NRG3: variants seen among roughly 807,000 people sequenced by gnomAD.
NRG3 encodes the protein pro-neuregulin-3, membrane-bound isoform.
Under a neutral mutation model 66.9 loss-of-function variants are expected in NRG3, and 31 were observed. The observed-to-expected ratio is 0.46, with a 90% confidence interval of 0.35 to 0.63. The LOEUF is 0.63. Ranked by LOEUF, NRG3 falls within the 20% of genes least tolerant of loss-of-function variation. NRG3 has a pLI of 0.00. For synonymous variants in NRG3, 393 were observed against 359.4 expected (o/e 1.09, Z -1.06); for missense variants, 910 against 878.9 (o/e 1.04, Z -0.45).
intron 1 of NRG3, among the ~76,000 whole-genome samples, chr10:81,897,174 C>T (rs1843605182): frequency 6.6e-6 from 1 of 152,000 alleles, no homozygotes; most frequent in South Asian, 2.1e-4. Context: ...GCCAGCGTGC[C>T]TGAGCATAAT....
intron 7 of NRG3, among the ~76,000 whole-genome samples, chr10:82,975,899 A>G (rs1040747570): frequency 6.6e-6 from 1 of 152,176 alleles, no homozygotes; most frequent in Non-Finnish European, 1.5e-5. Context: ...AATATGACTC[A>G]TTTGGATAAC....
At chr10:82,780,586 T>C (rs1307319341) in intron 3 of NRG3, among the ~76,000 whole-genome samples, 3 of 151,350 alleles carry the variant, frequency 2.0e-5, no homozygotes, top group Non-Finnish European at 4.4e-5. Flanking sequence ...GTTGAGAGAC[T>C]CTGGATCCTA....
At chr10:82,592,373 C>T (rs756043170) in intron 2 of NRG3, among the ~76,000 whole-genome samples, 1 of 152,128 alleles carries the variant, frequency 6.6e-6, no homozygotes, top group Non-Finnish European at 1.5e-5. Context: ...TTTCTGGGGC[C>T]AGGCCTGGAA....
intron 2 of NRG3, among the ~76,000 whole-genome samples, chr10:82,443,197 A>G (rs2090533884): frequency 6.9e-6 from 1 of 144,938 alleles, no homozygotes; most frequent in South Asian, 2.1e-4. Flanking sequence ...TGATGTTAGG[A>G]TCCAGGGGAT....
intron 2 of NRG3, among the ~76,000 whole-genome samples, chr10:82,731,238 A>T (rs538973479): frequency 6.6e-6 from 1 of 151,920 alleles, no homozygotes; most frequent in African/African-American, 2.4e-5. Flanking sequence ...ATGGTGGCAC[A>T]TGCATGTAGT....
rs118085887 is a variant in NRG3 at position 82,270,880 on chromosome 10, A to G, written c.824-87859A>G. Among the ~76,000 whole-genome samples, 4 of 152,258 alleles carry G rather than the reference A, an allele frequency of 2.6e-5. No individual in the cohort carries two copies. In the East Asian group the frequency reaches 7.7e-4, roughly 29 times the overall value. On this transcript the variant is annotated intron_variant, in intron 1 of 8. Coordinates refer to ENST00000372141, the MANE Select transcript of NRG3 (RefSeq NM_001010848.4). ...ACTGTGGATGCCCAATGCATTTTGG[A>G]AATCTCACAACTCAGTAGGCATAAC...
intron 4 of NRG3, among the ~76,000 whole-genome samples, chr10:82,907,148 C>T (rs556305385): frequency 6.6e-5 from 10 of 152,240 alleles, no homozygotes; most frequent in South Asian, 2.1e-4. Context: ...TCTCTTGGGG[C>T]GCTGTCTACC....
At chr10:82,636,949 A>G (rs1415203351) in intron 2 of NRG3, among the ~76,000 whole-genome samples, 2 of 152,148 alleles carry the variant, frequency 1.3e-5, no homozygotes, top group East Asian at 3.9e-4. Flanking sequence ...AAAAGATACT[A>G]AGTAGCAGAT....
chr10:82,812,166 C>T (rs17746747), intron 3 of NRG3, among the ~76,000 whole-genome samples: 3,280 of 151,438 alleles, frequency 0.022, 52 homozygotes, highest in Non-Finnish European at 0.035. Context: ...GGTTCCAGTT[C>T]GCTATGTCTG....
At chr10:82,455,144 T>C (rs975180365) in intron 2 of NRG3, among the ~76,000 whole-genome samples, 1 of 152,176 alleles carries the variant, frequency 6.6e-6, no homozygotes, top group African/African-American at 2.4e-5. Flanking sequence ...ATGATTTTGT[T>C]TGTTTGTCCC....
rs540251507 is a variant in NRG3 at position 82,457,500 on chromosome 10, C to G, written c.953+98632C>G. The stretch of plus-strand genomic sequence containing the variant: ...TCACCTCCTGCTCTGTGGCCTGGTT[C>G]CTAACAGGCCATGGACCAGCAGCAG... On this transcript the variant is annotated intron_variant, in intron 2 of 8. Transcript: ENST00000372141. 1.7e-3 allele frequency among the ~76,000 whole-genome samples: 264 copies of G among 152,138 alleles called. 1 individual carries two copies. Among genetic ancestry groups the G allele is most frequent in the African/African-American group, 6.0e-3 (248 of 41,494 alleles).
At chr10:82,947,725 T>C (rs1176838145) in intron 4 of NRG3, among the ~76,000 whole-genome samples, 1 of 152,128 alleles carries the variant, frequency 6.6e-6, no homozygotes, top group African/African-American at 2.4e-5. Context: ...CCAGATATCT[T>C]TGGGGAAGTG....
intron 1 of NRG3, among the ~76,000 whole-genome samples, chr10:81,958,944 T>G (rs747487301): frequency 5.9e-5 from 9 of 152,080 alleles, no homozygotes; most frequent in Non-Finnish European, 1.3e-4. Context: ...TGTGGGATAT[T>G]AAAATTTCAT....
intron 1 of NRG3, among the ~76,000 whole-genome samples, chr10:81,976,196 C>T (rs920707736): frequency 3.3e-5 from 5 of 152,158 alleles, no homozygotes; most frequent in African/African-American, 9.7e-5. Context: ...ATTTATAACA[C>T]ATACCATTGG....
chr10:81,984,436 T>A (rs2060447513), intron 1 of NRG3, among the ~76,000 whole-genome samples: 1 of 152,222 alleles, frequency 6.6e-6, no homozygotes, highest in South Asian at 2.1e-4. Context: ...AACTTGACAT[T>A]CCACTTGAAA....
chr10:82,743,484 G>T (rs1371337069), intron 3 of NRG3, among the ~76,000 whole-genome samples: 1 of 151,876 alleles, frequency 6.6e-6, no homozygotes, highest in Non-Finnish European at 1.5e-5. Context: ...AGTCCCTAAA[G>T]AAAAGAAAAA....
At chr10:82,103,381 C>G (rs2132142038) in intron 1 of NRG3, among the ~76,000 whole-genome samples, 1 of 152,144 alleles carries the variant, frequency 6.6e-6, no homozygotes, top group South Asian at 2.1e-4. Flanking sequence ...TTTCAAAAAT[C>G]CTCTGAATGA....
chr10:82,595,564 T>A (rs764927816), intron 2 of NRG3, among the ~76,000 whole-genome samples: 3 of 152,074 alleles, frequency 2.0e-5, no homozygotes, highest in Non-Finnish European at 4.4e-5. Flanking sequence ...GGCAGGTGGA[T>A]CACAAGGTCA....
At chr10:82,143,656 T>A (rs2069997175) in intron 1 of NRG3, among the ~76,000 whole-genome samples, 2 of 152,224 alleles carry the variant, frequency 1.3e-5, no homozygotes, top group Non-Finnish European at 2.9e-5. Flanking sequence ...TCCTGGGGCC[T>A]TCATTTACCA....
Sources: allele counts gnomAD v4.1 joint callset (sites outside exome capture counted in the v4.1 genomes callset), GRCh38; gene constraint gnomAD v4.1.1; transcripts MANE v1.5; gene names NCBI Gene and HGNC (gene_info 2026-07-23, HGNC 2026-07-21).